The following TLL1 variants were observed in gnomAD, a reference collection of about 807,000 sequenced individuals.
The protein encoded by TLL1 is tolloid like 1.
In TLL1, 49 loss-of-function variants were observed where a neutral mutation model predicts 128.2. The observed-to-expected ratio is 0.38, with a 90% CI of 0.30 to 0.48. The LOEUF (loss-of-function observed/expected upper bound fraction) is 0.48. TLL1 is among the 20% of genes least tolerant of loss of function. The pLI, the probability that TLL1 is intolerant of heterozygous loss-of-function variation, is 0.96. For synonymous variants in TLL1, 454 were observed against 418.8 expected (o/e 1.08, Z -1.03); for missense variants, 1,123 against 1,242.0 (o/e 0.90, Z 1.44).
intron 1 of TLL1, among the ~76,000 whole-genome samples, chr4:165,982,967 A>G (rs1011479175): frequency 1.3e-5 from 2 of 151,912 alleles, no homozygotes; most frequent in Admixed American, 1.3e-4. Context: ...AAATATAAAT[A>G]AACTAAATCT....
At chr4:165,949,812 G>A (rs963677141) in intron 1 of TLL1, among the ~76,000 whole-genome samples, 21 of 152,068 alleles carry the variant, frequency 1.4e-4, no homozygotes, top group African/African-American at 4.8e-4. Flanking sequence ...GGGAATTATG[G>A]CAGATACAAT....
At chr4:165,893,942 T>C (rs1731538054) in intron 1 of TLL1, among the ~76,000 whole-genome samples, 1 of 152,132 alleles carries the variant, frequency 6.6e-6, no homozygotes, top group South Asian at 2.1e-4. Context: ...CACCAACAAA[T>C]TGAAATTCAA....
At chr4:165,929,097 A>C (rs1401718962) in intron 1 of TLL1, among the ~76,000 whole-genome samples, 1 of 152,174 alleles carries the variant, frequency 6.6e-6, no homozygotes, top group Non-Finnish European at 1.5e-5. Flanking sequence ...GGCCTGGCAC[A>C]ATCTGATGAC....
chr4:165,976,896 CATT>C (rs764838866), intron 1 of TLL1, among the ~76,000 whole-genome samples: 36 of 152,114 alleles, frequency 2.4e-4, no homozygotes, highest in Non-Finnish European at 4.1e-4. Context: ...TTTTTAAAAA[CATT>C]ATGCGGTTTT....
intron 16 of TLL1, among the ~76,000 whole-genome samples, chr4:166,070,601 T>C (rs544895231): frequency 6.6e-6 from 1 of 152,046 alleles, no homozygotes; most frequent in South Asian, 2.1e-4. Flanking sequence ...CCTAGGGACT[T>C]GCTCAAGGAC....
At chr4:165,957,426 C>T (rs2110951725) in intron 1 of TLL1, among the ~76,000 whole-genome samples, 1 of 152,068 alleles carries the variant, frequency 6.6e-6, no homozygotes, top group East Asian at 1.9e-4. Flanking sequence ...CCACTAACAG[C>T]TTTAGACAGA....
intron 1 of TLL1, among the ~76,000 whole-genome samples, chr4:165,901,500 C>T (rs1236142073): frequency 2.0e-5 from 3 of 152,316 alleles, no homozygotes; most frequent in East Asian, 1.9e-4. Flanking sequence ...CAGTCAGGCC[C>T]CTCTGCTGGA....
At chr4:166,011,383 GT>G (rs376433474) in intron 7 of TLL1, among the ~76,000 whole-genome samples, 9 of 150,978 alleles carry the variant, frequency 6.0e-5, no homozygotes, top group Middle Eastern at 6.8e-3. Context: ...TTTTTCTAAG[GT>G]TTTTTTTATG....
intron 18 of TLL1, among the ~76,000 whole-genome samples, chr4:166,078,754 T>A (rs1044204063): frequency 6.6e-6 from 1 of 152,086 alleles, no homozygotes; most frequent in Middle Eastern, 3.2e-3. Context: ...TTTCCTGCAA[T>A]ATGTTGTTTT....
Position 166,006,431 on chromosome 4 carries a change from C to T in TLL1, c.812-1512C>T, listed in dbSNP as rs540184765. Among the ~76,000 whole-genome samples, 3 of 151,796 alleles carry T rather than the reference C, an allele frequency of 2.0e-5. No homozygotes were observed. In the South Asian group the frequency reaches 6.2e-4, roughly 31 times the overall value. ...GCATTAAAATGTATTGCTGAAGTTG[C>T]GTAATGTTCTACTTTCAGAAATTTT... On this transcript the variant is annotated intron_variant, in intron 6 of 20. Coordinates refer to ENST00000061240, the MANE Select transcript of TLL1 (RefSeq NM_012464.5).
chr4:166,029,983 T>C (rs536554050), intron 9 of TLL1, among the ~76,000 whole-genome samples: 2 of 152,250 alleles, frequency 1.3e-5, no homozygotes, highest in South Asian at 4.1e-4. Context: ...GACCTTGTTT[T>C]CAAGTATTTT....
chr4:166,004,780 C>T (rs1737335443), intron 6 of TLL1, among the ~76,000 whole-genome samples: 1 of 152,032 alleles, frequency 6.6e-6, no homozygotes, highest in African/African-American at 2.4e-5. Context: ...GTATCTTATC[C>T]TTTACTTAGG....
At chr4:166,096,622 C>T (rs918011576) in intron 19 of TLL1, among the ~76,000 whole-genome samples, 2 of 152,042 alleles carry the variant, frequency 1.3e-5, no homozygotes, top group Admixed American at 1.3e-4. Context: ...ACACAAAAGG[C>T]TGCCTGTACC....
chr4:165,882,941 A>G (rs778535543), intron 1 of TLL1, among the ~76,000 whole-genome samples: 16 of 152,034 alleles, frequency 1.1e-4, no homozygotes, highest in Non-Finnish European at 2.2e-4. Flanking sequence ...ACACACAGAA[A>G]GAAGATACGT....
chr4:166,021,371 T>A (rs942710840), intron 8 of TLL1, among the ~76,000 whole-genome samples: 4 of 151,626 alleles, frequency 2.6e-5, no homozygotes, highest in African/African-American at 9.7e-5. Context: ...GTTGCCTCCT[T>A]CCTCCCTCTG....
chr4:165,998,568 C>T (rs1490144561), intron 5 of TLL1, among the ~76,000 whole-genome samples: 10 of 151,800 alleles, frequency 6.6e-5, no homozygotes, highest in African/African-American at 2.2e-4. Flanking sequence ...CCGAGGCGGG[C>T]GGATCACGAG....
chr4:166,026,616 G>A (rs1738503871), intron 9 of TLL1, among the ~76,000 whole-genome samples: 1 of 152,182 alleles, frequency 6.6e-6, no homozygotes, highest in Non-Finnish European at 1.5e-5. Context: ...GAACCTAGTA[G>A]GCGGAGGTTG....
Position 165,995,044 on chromosome 4 carries a change from TCA to T in TLL1, c.515-12_515-11del, listed in dbSNP as rs750815010. ...TGGGGATGCCACCTTTTCATTAACA[TCA>T]CACATTTTTTCTAGGCAGCCAGAGA... is the stretch of plus-strand genomic sequence containing the variant. On this transcript the variant is annotated splice_polypyrimidine_tract_variant and intron_variant, in intron 4 of 20. Transcript: ENST00000061240. 1.9e-6 allele frequency: 3 copies of T among 1,606,550 alleles called. No homozygotes were observed. In the Admixed American group the frequency reaches 5.0e-5, roughly 27 times the overall value.
At position 166,007,759 on chromosome 4, in the gene TLL1, C is replaced by A. The variant is rs12649793; in HGVS notation, c.812-184C>A. ...AACACTTTGTTCCAATTCAATATTG[C>A]TTTTCAATATGATGGTAGAGTGAAG... On this transcript the variant is annotated intron_variant, in intron 6 of 20. Coordinates refer to ENST00000061240, the MANE Select transcript of TLL1 (RefSeq NM_012464.5). 0.5 allele frequency among the ~76,000 whole-genome samples: 75,983 copies of A among 151,434 alleles called. 19,871 individuals are homozygous for A. The highest frequency in any genetic ancestry group is 0.66 in the African/African-American group (27,178 of 41,420).
Sources: allele counts gnomAD v4.1 joint callset (sites outside exome capture counted in the v4.1 genomes callset), GRCh38; gene constraint gnomAD v4.1.1; transcripts MANE v1.5; gene names NCBI Gene and HGNC (gene_info 2026-07-23, HGNC 2026-07-21).